The following OXR1 variants were observed in gnomAD, a reference collection of about 807,000 sequenced individuals.
OXR1 encodes oxidation resistance 1.
A neutral mutation model predicts 104.6 loss-of-function variants in OXR1; 41 were observed. That is an observed-to-expected ratio of 0.39 (90% CI 0.31 to 0.51). OXR1 has a LOEUF of 0.51. Among genes scored for constraint, OXR1 ranks in the 20% least tolerant of loss-of-function variants. OXR1 has a pLI of 0.77. For synonymous variants in OXR1, 348 were observed against 348.4 expected (o/e 1.00, Z 0.01); for missense variants, 955 against 1,031.9 (o/e 0.93, Z 1.02).
intron 2 of OXR1, among the ~76,000 whole-genome samples, chr8:106,487,503 A>G (rs1810761586): frequency 1.3e-5 from 2 of 151,812 alleles, no homozygotes; most frequent in Non-Finnish European, 2.9e-5. Context: ...TACATGTGCC[A>G]TGCTGGTGCG....
At chr8:106,630,490 G>A (rs1428787085) in intron 3 of OXR1, among the ~76,000 whole-genome samples, 1 of 152,184 alleles carries the variant, frequency 6.6e-6, no homozygotes, top group East Asian at 1.9e-4. Flanking sequence ...GTACTATGTT[G>A]TTGTGTTTTA....
At chr8:106,439,602 T>G (rs774603718) in intron 2 of OXR1, among the ~76,000 whole-genome samples, 22 of 152,262 alleles carry the variant, frequency 1.4e-4, no homozygotes, top group Middle Eastern at 6.8e-3. Context: ...AATTCCCATG[T>G]AGCTAAAGGC....
At position 106,659,080 on chromosome 8, in the gene OXR1, C is replaced by T. The variant is rs185815578; in HGVS notation, c.221-20130C>T. ...GAGATAGGCACAAAGTGTGTAAAAT[C>T]TGTTTATAACTCCACATCGTGCCAG... On this transcript the variant is annotated intron_variant, in intron 3 of 16. Transcript: ENST00000517566. Among the ~76,000 whole-genome samples the T allele has an allele frequency of 7.9e-5, 12 of 152,292 alleles. No homozygotes were observed. The East Asian group carries it at 2.3e-3, about 29-fold the overall frequency.
chr8:106,601,517 A>T (rs530814109), intron 3 of OXR1, among the ~76,000 whole-genome samples: 13 of 152,262 alleles, frequency 8.5e-5, no homozygotes, highest in Non-Finnish European at 1.8e-4. Context: ...GAAGGACACT[A>T]ATTCCCTCAT....
At chr8:106,637,230 A>G (rs1234380581) in intron 3 of OXR1, among the ~76,000 whole-genome samples, 2 of 152,202 alleles carry the variant, frequency 1.3e-5, no homozygotes, top group African/African-American at 2.4e-5. Flanking sequence ...ATAAAATATA[A>G]TAACATTTCA....
At chr8:106,380,142 A>T (rs1369120135) in intron 2 of OXR1, among the ~76,000 whole-genome samples, 1 of 151,836 alleles carries the variant, frequency 6.6e-6, no homozygotes, top group African/African-American at 2.4e-5. Context: ...AGTCCTAAAC[A>T]ACTACTAATT....
At chr8:106,408,836 C>T (rs950528278) in intron 2 of OXR1, among the ~76,000 whole-genome samples, 1 of 152,140 alleles carries the variant, frequency 6.6e-6, no homozygotes, top group African/African-American at 2.4e-5. Context: ...CAGCAAGAAG[C>T]TGGAGCTGCT....
At position 106,551,811 on chromosome 8, in the gene OXR1, T is replaced by C. The variant is rs1162804034; in HGVS notation, c.220+32672T>C. Among the ~76,000 whole-genome samples the C allele has an allele frequency of 7.0e-3, 684 of 97,914 alleles. 6 individuals are homozygous for C. Among genetic ancestry groups the C allele is most frequent in the African/African-American group, 0.024 (632 of 26,788 alleles). The allele number at this position is 97,914 out of a possible 152,430, so 64.2% of individuals were successfully genotyped here. ...ATACATATATATATATATATATATA[T>C]ATACACACACACACACATATATATA... On this transcript the variant is annotated intron_variant, in intron 3 of 16. Transcript: ENST00000517566.
intron 3 of OXR1, among the ~76,000 whole-genome samples, chr8:106,564,880 C>A (rs1449289138): frequency 1.3e-5 from 2 of 152,156 alleles, no homozygotes; most frequent in Admixed American, 6.5e-5. Context: ...ATGACAAAAT[C>A]ACATGATTTC....
At chr8:106,344,600 G>A (rs1320113645) in intron 1 of OXR1, among the ~76,000 whole-genome samples, 1 of 152,164 alleles carries the variant, frequency 6.6e-6, no homozygotes, top group African/African-American at 2.4e-5. Context: ...GCCTCCCAAA[G>A]TGGTGGGATT....
At chr8:106,683,959 G>A (rs1291826558) in intron 5 of OXR1, among the ~76,000 whole-genome samples, 1 of 152,100 alleles carries the variant, frequency 6.6e-6, no homozygotes, top group Non-Finnish European at 1.5e-5. Flanking sequence ...GAGGATATGT[G>A]CACTTTAAAT....
intron 3 of OXR1, among the ~76,000 whole-genome samples, chr8:106,653,063 G>T (rs1824732654): frequency 9.3e-6 from 1 of 107,790 alleles, no homozygotes; most frequent in Admixed American, 9.5e-5. Flanking sequence ...CTGACACAAG[G>T]AGAAATAGAA....
At chr8:106,571,753 A>G (rs191857425) in intron 3 of OXR1, among the ~76,000 whole-genome samples, 10 of 152,320 alleles carry the variant, frequency 6.6e-5, no homozygotes, top group African/African-American at 1.9e-4. Context: ...TCCAGCTATA[A>G]ACCTGTGACA....
intron 3 of OXR1, among the ~76,000 whole-genome samples, chr8:106,607,793 CTTTCTTTTTCTT>C (rs201227161): frequency 1.3e-5 from 2 of 151,920 alleles, no homozygotes; most frequent in African/African-American, 2.4e-5. Flanking sequence ...GTTATTTCCT[CTTTCTTTTTCTT>C]TTTCTTTTTC....
At chr8:106,516,608 G>A (rs541052391) in intron 2 of OXR1, among the ~76,000 whole-genome samples, 3 of 152,226 alleles carry the variant, frequency 2.0e-5, no homozygotes, top group East Asian at 3.9e-4. Flanking sequence ...CTAGGAGTCT[G>A]GAATGAAAAG....
At chr8:106,739,358 A>G (rs1834711077) in intron 12 of OXR1, 100 bp from the exon 13 acceptor site, 1 of 1,081,736 alleles carries the variant, frequency 9.2e-7, no homozygotes, top group South Asian at 1.5e-5. Flanking sequence ...ATTTAGCCAC[A>G]TTTTCTACGA....
intron 3 of OXR1, among the ~76,000 whole-genome samples, chr8:106,628,149 G>A (rs1052877773): frequency 6.6e-6 from 1 of 152,076 alleles, no homozygotes; most frequent in South Asian, 2.1e-4. Context: ...GGTCTTTCAG[G>A]GTTTCTAACC....
At chr8:106,377,308 C>T (rs1006322677) in intron 2 of OXR1, among the ~76,000 whole-genome samples, 2 of 151,796 alleles carry the variant, frequency 1.3e-5, no homozygotes, top group African/African-American at 4.8e-5. Context: ...TCAGTCTCCC[C>T]GGTAGATGGG....
intron 16 of OXR1, 58 bp downstream of exon 16, chr8:106,745,920 G>T: frequency 1.1e-6 from 1 of 898,570 alleles, no homozygotes; most frequent in African/African-American, 1.7e-5. Flanking sequence ...AATGCATTTG[G>T]ATTATTTATA....
Sources: gnomAD v4.1 joint callset for allele counts (sites outside exome capture counted in the v4.1 genomes callset) on GRCh38, gnomAD v4.1.1 for gene constraint, MANE v1.5 for transcripts, NCBI Gene and HGNC (gene_info 2026-07-23, HGNC 2026-07-21) for gene names.